The following RABEP2 variants were observed in gnomAD, a reference collection of about 807,000 sequenced individuals.
The protein encoded by RABEP2 is rabaptin, RAB GTPase binding effector protein 2.
RABEP2 carries 57 observed loss-of-function variants against 74.1 expected under a neutral mutation model. That is an observed-to-expected ratio of 0.77 (90% CI 0.62 to 0.96). The LOEUF (loss-of-function observed/expected upper bound fraction) is 0.96. RABEP2 is among the 40% of genes least tolerant of loss of function. The pLI is 0.00. For missense variants in RABEP2, 692 were observed against 756.3 expected, an observed-to-expected ratio of 0.91 and a Z score of 1.00; for synonymous variants, 351 against 344.0, an observed-to-expected ratio of 1.02 and a Z score of -0.23.
intron 1 of RABEP2, chr16:28,924,848 C>T: frequency 1.4e-6 from 1 of 730,024 alleles, no homozygotes; most frequent in South Asian, 1.5e-5. Context: ...CTCTTCGGTC[C>T]CACCTGGCCC....
chr16:28,905,992 G>T (rs780151461), intron 9 of RABEP2, 27 bp downstream of exon 9: 1 of 1,609,816 alleles, frequency 6.2e-7, no homozygotes. Context: ...TGGGCCCGGG[G>T]CTGGGGGCTT....
intron 2 of RABEP2, among the ~76,000 whole-genome samples, chr16:28,920,526 C>G (rs1231167158): frequency 6.6e-6 from 1 of 151,886 alleles, no homozygotes; most frequent in Non-Finnish European, 1.5e-5. Flanking sequence ...GCTGGGATTA[C>G]AGGCGCCCAC....
chr16:28,919,407 C>A (rs1285942784), intron 3 of RABEP2, among the ~76,000 whole-genome samples: 1 of 152,248 alleles, frequency 6.6e-6, no homozygotes, highest in Non-Finnish European at 1.5e-5. Context: ...GCCTTGGCCT[C>A]CCAAAGTGTT....
Position 28,925,138 on chromosome 16 carries a change from G to A in RABEP2, c.26C>T (p.Ala9Val), listed in dbSNP as rs551774067. 9.1e-6 allele frequency: 14 copies of A among 1,533,104 alleles called. No homozygotes were observed. Among genetic ancestry groups the A allele is most frequent in the Admixed American group, 5.9e-5 (3 of 50,724 alleles). The allele number at this position is 1,533,104 out of a possible 1,614,324, so 95.0% of individuals were successfully genotyped here. A position where few individuals can be genotyped will look rare whatever the true frequency, so the allele number is the denominator to read the frequency against. Residue 9 changes from alanine (A) to valine (V), a missense_variant, in exon 1 of 13, where the codon GCG becomes GTG. Coordinates refer to ENST00000358201, the MANE Select transcript of RABEP2 (RefSeq NM_024816.3). Reference protein sequence around the residue: MAAAAPVAADDDERRRRPG... With the variant: MAAAAPVAVDDDERRRRPG... ...CCGCCGCCGCCGCTCATCGTCGTCCGCGGCCACCGGCGCAGCTGCCGCCAT... is the reference window on the plus strand; with the variant it reads ...CCGCCGCCGCCGCTCATCGTCGTCCACGGCCACCGGCGCAGCTGCCGCCAT...
At position 28,905,495 on chromosome 16, in the gene RABEP2, G is replaced by T; in HGVS notation, c.1510C>A (p.Leu504Ile). The T allele has an allele frequency of 6.2e-7, 1 of 1,611,192 alleles. No homozygotes were observed. Among genetic ancestry groups the T allele is most frequent in the Non-Finnish European group, 8.5e-7 (1 of 1,179,400 alleles). ...EQSKAQLPDL[L>I]SEQRAKVLRL... ...AGCACCTTGGCCCTCTGTTCTGAGA[G>T]GAGGTCTGGGAGCTGGGCCTGCGGG... is the stretch of plus-strand genomic sequence containing the variant. Residue 504 changes from leucine to isoleucine, a missense_variant, in exon 12 of 13, where the codon CTC becomes ATC. Leu to Ile is a conservative substitution (Grantham distance 5). Coordinates refer to ENST00000358201, the MANE Select transcript of RABEP2 (RefSeq NM_024816.3).
chr16:28,914,832 A>C, intron 3 of RABEP2, 50 bp from the exon 4 acceptor site: 1 of 1,541,740 alleles, frequency 6.5e-7, no homozygotes, highest in Non-Finnish European at 9.0e-7. Context: ...AAAGTGCTGA[A>C]GCCCCGGGTC....
chr16:28,921,026 G>A (rs1180401696), intron 2 of RABEP2: 3 of 367,318 alleles, frequency 8.2e-6, no homozygotes, highest in Non-Finnish European at 1.6e-5. Flanking sequence ...AGCATGCCTG[G>A]CTAATTTTTG....
Position 28,914,501 on chromosome 16 carries a change from A to G in RABEP2, c.629T>C (p.Leu210Pro), listed in dbSNP as rs1018846602. ...ACCCCCATCTCCGCTCAGCTCCTCCAGAGGCTCCAGCGGGGGCGATGGATC... is the reference window on the plus strand; with the variant it reads ...ACCCCCATCTCCGCTCAGCTCCTCCGGAGGCTCCAGCGGGGGCGATGGATC... ...SRDPSPPLEP[L>P]EELSGDGGPA... is the part of the protein sequence containing the mutation. The change falls in exon 5 of 13, where the codon CTG (leucine) becomes CCG (proline). Residue 210 changes from leucine (L) to proline (P), a missense_variant. Physicochemically the swap from Leu to Pro is moderately conservative, Grantham distance 98 (BLOSUM62 -3). Transcript: ENST00000358201. 5.0e-6 allele frequency: 8 copies of G among 1,613,254 alleles called. No individual in the cohort carries two copies. Among genetic ancestry groups the G allele is most frequent in the Non-Finnish European group, 6.8e-6 (8 of 1,179,756 alleles).
In RABEP2 at chr16:28,905,859, A is replaced by C. The variant is rs1964219956; in HGVS notation, c.1435+8T>G. On this transcript the variant is annotated splice_region_variant and intron_variant, in intron 10 of 12. Coordinates refer to ENST00000358201, the MANE Select transcript of RABEP2 (RefSeq NM_024816.3). ...CGATCCCCAAGATCACCTCCAGCAC[A>C]CACTCACCCTCCAGCACCTCTGTGG... 3.7e-6 allele frequency: 6 copies of C among 1,613,814 alleles called. No homozygotes were observed. In the East Asian group the frequency reaches 1.3e-4, roughly 36 times the overall value.
intron 11 of RABEP2, 55 bp downstream of exon 11, chr16:28,905,649 G>T (rs1355461788): frequency 8.2e-6 from 13 of 1,589,628 alleles, no homozygotes; most frequent in Non-Finnish European, 1.1e-5. Flanking sequence ...GGTGGGGGAG[G>T]GTCTTTTCCA....
Position 28,924,479 on chromosome 16 carries a change from G to A in RABEP2, c.198C>T (p.Ser66=). 1.2e-6 allele frequency: 2 copies of A among 1,613,966 alleles called. No homozygotes were observed. The highest frequency in any genetic ancestry group is 1.7e-6 in the Non-Finnish European group (2 of 1,180,016). The change falls in exon 2 of 13, where the codon AGC becomes AGT. Residue 66 remains serine (S), a synonymous_variant. Coordinates refer to ENST00000358201, the MANE Select transcript of RABEP2 (RefSeq NM_024816.3). ...TMKAVAEVSE[S]TKAEAVAAVQ... Reference sequence around the variant, plus strand: ...CCGCAGCCACAGCCTCGGCCTTCGTGCTCTCGCTCACCTCTGCCACAGCCT... The same window carrying A: ...CCGCAGCCACAGCCTCGGCCTTCGTACTCTCGCTCACCTCTGCCACAGCCT...
At chr16:28,911,715 T>C (rs1188715408) in intron 5 of RABEP2, among the ~76,000 whole-genome samples, 2 of 150,674 alleles carry the variant, frequency 1.3e-5, no homozygotes, top group African/African-American at 2.4e-5. Flanking sequence ...CCCACCACTT[T>C]GGGAGGCTGA....
chr16:28,914,130 T>G, intron 5 of RABEP2, 106 bp downstream of exon 5: 1 of 937,304 alleles, frequency 1.1e-6, no homozygotes, highest in South Asian at 1.8e-5. Context: ...CTCTTCTCCC[T>G]GTGGAAGCTC....
chr16:28,911,761 A>T (rs1255023106), intron 5 of RABEP2, among the ~76,000 whole-genome samples: 1 of 151,584 alleles, frequency 6.6e-6, no homozygotes, highest in Non-Finnish European at 1.5e-5. Context: ...AGCCTGACCA[A>T]TATGGTGAAA....
At chr16:28,912,158 A>G (rs1964322399) in intron 5 of RABEP2, among the ~76,000 whole-genome samples, 2 of 147,618 alleles carry the variant, frequency 1.4e-5, no homozygotes, top group Admixed American at 1.4e-4. Context: ...AGGCAGGAGT[A>G]TGGCATGAAC....
chr16:28,909,211 G>T (rs1162887517), intron 7 of RABEP2, among the ~76,000 whole-genome samples: 1 of 151,798 alleles, frequency 6.6e-6, no homozygotes, highest in Admixed American at 6.6e-5. Context: ...CAAGTAGCTG[G>T]AATTACAGGC....
In RABEP2 at chr16:28,904,823, CCCTCAA is replaced by C; in HGVS notation, c.*114_*119del. On this transcript the variant is annotated 3_prime_UTR_variant, in exon 13 of 13. Coordinates refer to ENST00000358201, the MANE Select transcript of RABEP2 (RefSeq NM_024816.3). ...GGGGCGGTGGTGGCCCCCGTCAGTC[CCCTCAA>C]CCCCAGTCTCAGGGACGGTGGAAAA... The C allele has an allele frequency of 1.3e-6, 1 of 797,364 alleles. No homozygotes were observed. The highest frequency in any genetic ancestry group is 2.0e-6 in the Non-Finnish European group (1 of 510,088). 49.4% of individuals were successfully genotyped at this position (797,364 alleles called of 1,614,324 possible).
At chr16:28,905,370 G>T in intron 12 of RABEP2, 27 bp downstream of exon 12, 1 of 1,556,658 alleles carries the variant, frequency 6.4e-7, no homozygotes. Context: ...GAGCCAGCCA[G>T]CCTGGCGGGG....
At chr16:28,910,771 C>T (rs1021069436) in intron 7 of RABEP2, 117 bp downstream of exon 7, 19 of 901,362 alleles carry the variant, frequency 2.1e-5, no homozygotes, top group Middle Eastern at 2.2e-4. Context: ...CAGGGTGTGG[C>T]CTGAGCAGCT....
Sources: gnomAD v4.1 joint callset for allele counts (sites outside exome capture counted in the v4.1 genomes callset) on GRCh38, gnomAD v4.1.1 for gene constraint, MANE v1.5 for transcripts, NCBI Gene and HGNC (gene_info 2026-07-23, HGNC 2026-07-21) for gene names.